The following LTBP2 variants were observed in gnomAD, a reference collection of about 807,000 sequenced individuals.
LTBP2 encodes latent transforming growth factor beta binding protein 2.
Under a neutral mutation model 210.6 loss-of-function variants are expected in LTBP2, and 103 were observed. The ratio of observed to expected loss-of-function variants is 0.49; its 90% CI spans 0.42 to 0.58. The LOEUF is 0.58. Ranked by LOEUF, LTBP2 falls within the 20% of genes least tolerant of loss-of-function variation. The pLI is 0.00. For missense variants in LTBP2, 2,313 were observed against 2,494.5 expected (o/e 0.93, Z 1.55); for synonymous variants, 1,007 against 1,015.0 (o/e 0.99, Z 0.15).
chr14:74,584,886 A>G (rs1242223303), intron 3 of LTBP2, among the ~76,000 whole-genome samples: 1 of 151,878 alleles, frequency 6.6e-6, no homozygotes, highest in East Asian at 1.9e-4. Context: ...GTCTCTCCTA[A>G]CCTTTCCTGC....
Position 74,516,912 on chromosome 14 carries a change from A to C in LTBP2, c.2818T>G (p.Cys940Gly). 1 of 1,551,862 alleles carries C rather than the reference A, an allele frequency of 6.4e-7. No individual in the cohort carries two copies. The highest frequency in any genetic ancestry group is 8.7e-7 in the Non-Finnish European group (1 of 1,147,092). ...GTGTTGGTGCACTGCCCCCCGCTGCACACCCCTGGCTGCTCACACTCATTG... is the reference window on the plus strand; with the variant it reads ...GTGTTGGTGCACTGCCCCCCGCTGCCCACCCCTGGCTGCTCACACTCATTG... ...DINECEQPGV[C>G]SGGQCTNTEG... is the part of the protein sequence containing the mutation. Residue 940 changes from cysteine (C) to glycine (G), a missense_variant, in exon 18 of 36, where the codon TGC (cysteine) becomes GGC (glycine). Cys to Gly is a radical substitution (Grantham distance 159). Around this residue, in one of 3 missense-constraint regions of LTBP2, gnomAD observed 1,867 missense variants for 1,976.9 expected, o/e 0.94. Transcript: ENST00000261978.
Position 74,498,280 on chromosome 14 carries a change from C to G in LTBP2, c.*2604G>C, listed in dbSNP as rs1263827527. ...AGATACAGTGAAAAGTCTCCCAATC[C>G]TGTACCTATCCACCCTGTCACCCTC... On this transcript the variant is annotated 3_prime_UTR_variant, in exon 36 of 36. Coordinates refer to ENST00000261978, the MANE Select transcript of LTBP2 (RefSeq NM_000428.3). 5.4e-6 allele frequency: 1 copy of G among 185,068 alleles called. No individual in the cohort carries two copies. The highest frequency in any genetic ancestry group is 2.3e-5 in the African/African-American group (1 of 42,604). 11.5% of individuals were successfully genotyped at this position (185,068 alleles called of 1,614,324 possible). A position where few individuals can be genotyped will look rare whatever the true frequency, so the allele number is the denominator to read the frequency against.
chr14:74,570,580 C>T (rs1566643950), intron 3 of LTBP2, among the ~76,000 whole-genome samples: 1 of 152,242 alleles, frequency 6.6e-6, no homozygotes, highest in Non-Finnish European at 1.5e-5. Flanking sequence ...AGCAATCTAG[C>T]AGCCCAAATC....
At chr14:74,562,340 GA>G (rs1040052439) in intron 3 of LTBP2, among the ~76,000 whole-genome samples, 12 of 152,244 alleles carry the variant, frequency 7.9e-5, no homozygotes, top group African/African-American at 2.9e-4. Flanking sequence ...GGAGAGGGGG[GA>G]AGGGAAATCA....
intron 3 of LTBP2, among the ~76,000 whole-genome samples, chr14:74,579,342 G>C (rs4903244): frequency 0.5 from 76,762 of 152,060 alleles, 19,896 homozygotes; most frequent in Non-Finnish European, 0.55. Context: ...AGAGACCACC[G>C]ACTTGGGAGC....
chr14:74,571,577 T>G (rs1405192567), intron 3 of LTBP2, among the ~76,000 whole-genome samples: 1 of 152,234 alleles, frequency 6.6e-6, no homozygotes, highest in East Asian at 1.9e-4. Flanking sequence ...AATTCTGCCC[T>G]CACACGCTAC....
chr14:74,520,354 T>C (rs1392495298), intron 17 of LTBP2, among the ~76,000 whole-genome samples: 1 of 152,238 alleles, frequency 6.6e-6, no homozygotes, highest in African/African-American at 2.4e-5. Context: ...ACCACTAGGT[T>C]TGAGGCCCCT....
intron 13 of LTBP2, among the ~76,000 whole-genome samples, chr14:74,526,583 G>A (rs2087276575): frequency 6.6e-6 from 1 of 152,240 alleles, no homozygotes; most frequent in Non-Finnish European, 1.5e-5. Context: ...TGTAACAGCA[G>A]AAGAGTGGGC....
chr14:74,538,042 A>T (rs2087445544), intron 8 of LTBP2, among the ~76,000 whole-genome samples: 1 of 152,240 alleles, frequency 6.6e-6, no homozygotes, highest in African/African-American at 2.4e-5. Flanking sequence ...GGCATGAGCC[A>T]CCGCACCCAG....
chr14:74,530,888 A>G (rs931185084), intron 10 of LTBP2, among the ~76,000 whole-genome samples: 6 of 152,226 alleles, frequency 3.9e-5, no homozygotes, highest in African/African-American at 1.4e-4. Flanking sequence ...CTCCCGATTA[A>G]TAAACTTTCT....
intron 10 of LTBP2, 75 bp downstream of exon 10, chr14:74,532,351 G>C: frequency 6.3e-7 from 1 of 1,597,860 alleles, no homozygotes; most frequent in Non-Finnish European, 8.5e-7. Context: ...GCTGCCCTGG[G>C]CCTGGCCTGT....
chr14:74,591,002 T>C (rs2088275724), intron 2 of LTBP2, among the ~76,000 whole-genome samples: 2 of 152,160 alleles, frequency 1.3e-5, no homozygotes, highest in South Asian at 2.1e-4. Context: ...AAATTAAATA[T>C]ATATATAAAA....
chr14:74,509,106 T>C, intron 22 of LTBP2, 132 bp downstream of exon 22: 4 of 1,573,172 alleles, frequency 2.5e-6, no homozygotes, highest in Non-Finnish European at 3.5e-6. Flanking sequence ...GGGACAAGCT[T>C]GTGAGCGACT....
In LTBP2 at chr14:74,604,784, C is replaced by A. The variant is rs371583183; in HGVS notation, c.495-1079G>T. On this transcript the variant is annotated intron_variant, in intron 1 of 35. Transcript: ENST00000261978. The stretch of plus-strand genomic sequence containing the variant: ...GGGATTATAGGTGTGAGCCACTGCG[C>A]CCAGCCCTTCAGCTACTCCTTGATG... Among the ~76,000 whole-genome samples the A allele has an allele frequency of 2.1e-3, 317 of 152,302 alleles. 3 individuals are homozygous for A. Among genetic ancestry groups the A allele is most frequent in the African/African-American group, 7.3e-3 (303 of 41,562 alleles).
chr14:74,531,121 G>C (rs1033877620), intron 10 of LTBP2, among the ~76,000 whole-genome samples: 1 of 152,174 alleles, frequency 6.6e-6, no homozygotes, highest in African/African-American at 2.4e-5. Flanking sequence ...CAGGAGGCTG[G>C]GGCAGCCCTG....
chr14:74,563,253 C>T (rs1277772000), intron 3 of LTBP2, among the ~76,000 whole-genome samples: 2 of 152,188 alleles, frequency 1.3e-5, no homozygotes, highest in Admixed American at 6.5e-5. Flanking sequence ...TCTTTCCTTT[C>T]GCATTTCCCC....
At chr14:74,521,248 G>A (rs931682645) in intron 17 of LTBP2, among the ~76,000 whole-genome samples, 10 of 152,198 alleles carry the variant, frequency 6.6e-5, no homozygotes, top group African/African-American at 2.4e-4. Context: ...CCCTCTTGAG[G>A]TGAAGGATTT....
At chr14:74,587,537 C>T (rs1394956884) in intron 2 of LTBP2, among the ~76,000 whole-genome samples, 2 of 151,160 alleles carry the variant, frequency 1.3e-5, no homozygotes, top group Non-Finnish European at 2.9e-5. Flanking sequence ...AAGCAGAGGA[C>T]GAGGCGAAGA....
intron 3 of LTBP2, among the ~76,000 whole-genome samples, chr14:74,560,575 C>A (rs552380389): frequency 2.0e-5 from 3 of 152,198 alleles, no homozygotes; most frequent in African/African-American, 4.8e-5. Context: ...GACAAGTGGG[C>A]GAGGAGCTCT....
Sources: allele counts gnomAD v4.1 joint callset (sites outside exome capture counted in the v4.1 genomes callset), GRCh38; gene constraint gnomAD v4.1.1; regional missense constraint gnomAD v4.1.1; transcripts MANE v1.5; gene names NCBI Gene and HGNC (gene_info 2026-07-23, HGNC 2026-07-21).